Variants in RHBDD1 observed in about 807,000 individuals in gnomAD.
The protein encoded by RHBDD1 is rhomboid domain containing 1.
Under a neutral mutation model 36.3 loss-of-function variants are expected in RHBDD1, and 38 were observed. The observed-to-expected ratio is 1.05, with a 90% CI of 0.81 to 1.37. The LOEUF (loss-of-function observed/expected upper bound fraction) is 1.37, where lower values mean the gene tolerates loss of function less well. Among genes scored for constraint, RHBDD1 ranks in the 40% most tolerant of loss-of-function variants. The probability of loss-of-function intolerance (pLI) is 0.00; values close to 1 mark genes in which losing one functional copy is unlikely to be tolerated. For missense variants in RHBDD1, 393 were observed against 377.6 expected, an observed-to-expected ratio of 1.04 and a Z score of -0.34; for synonymous variants, 151 against 136.5, an observed-to-expected ratio of 1.11 and a Z score of -0.74.
At chr2:226,867,901 T>C (rs1944471419) in intron 5 of RHBDD1, among the ~76,000 whole-genome samples, 1 of 151,994 alleles carries the variant, frequency 6.6e-6, no homozygotes, top group Admixed American at 6.6e-5. Context: ...ATATTTTTAG[T>C]AGAGTTGGGG....
At chr2:226,995,379 A>G in intron 8 of RHBDD1, 52 bp from the exon 9 acceptor site, 7 of 1,155,342 alleles carry the variant, frequency 6.1e-6, no homozygotes, top group East Asian at 2.4e-5. Flanking sequence ...TAGGGTACAC[A>G]TGCCTTGTCA....
chr2:226,854,321 G>A (rs1347384456), intron 3 of RHBDD1, among the ~76,000 whole-genome samples: 2 of 152,064 alleles, frequency 1.3e-5, no homozygotes, highest in East Asian at 1.9e-4. Flanking sequence ...GGCCGGGCGT[G>A]GTGGCTCACA....
At chr2:226,953,953 A>G (rs1297984053) in intron 8 of RHBDD1, among the ~76,000 whole-genome samples, 1 of 152,142 alleles carries the variant, frequency 6.6e-6, no homozygotes, top group Non-Finnish European at 1.5e-5. Context: ...CACATGTGGG[A>G]AGAGGGTGGG....
At chr2:226,815,958 G>A in the RHBDD1 span, among the ~76,000 whole-genome samples, 4 of 152,166 alleles carry the variant, frequency 2.6e-5, no homozygotes, top group African/African-American at 9.7e-5. Flanking sequence ...TATTGCTTTA[G>A]GTTTTCTTAT....
chr2:226,820,098 C>T, the RHBDD1 span, among the ~76,000 whole-genome samples: 3 of 151,268 alleles, frequency 2.0e-5, no homozygotes, highest in African/African-American at 7.3e-5. Flanking sequence ...CCCATTTTGG[C>T]ACTGTGAATT....
At chr2:226,877,073 T>A (rs973388337) in intron 5 of RHBDD1, among the ~76,000 whole-genome samples, 1 of 152,232 alleles carries the variant, frequency 6.6e-6, no homozygotes, top group Non-Finnish European at 1.5e-5. Context: ...AGGGATTGTT[T>A]TAGTAGCTTT....
the RHBDD1 span, among the ~76,000 whole-genome samples, chr2:226,829,885 C>T: frequency 6.6e-6 from 1 of 152,054 alleles, no homozygotes; most frequent in South Asian, 2.1e-4. Context: ...TCCAGTACAA[C>T]ATAAGTGATG....
intron 7 of RHBDD1, among the ~76,000 whole-genome samples, chr2:226,909,848 T>A (rs1948393237): frequency 6.6e-6 from 1 of 152,200 alleles, no homozygotes; most frequent in Non-Finnish European, 1.5e-5. Flanking sequence ...CCAAATGGAC[T>A]AAGATGTGTT....
intron 8 of RHBDD1, among the ~76,000 whole-genome samples, chr2:226,951,961 T>G (rs928756275): frequency 6.6e-6 from 1 of 152,198 alleles, no homozygotes; most frequent in African/African-American, 2.4e-5. Flanking sequence ...TCTCAGAAAT[T>G]TTGGTTGTTC....
At chr2:226,886,675 C>T (rs1045626982) in intron 5 of RHBDD1, among the ~76,000 whole-genome samples, 10 of 152,030 alleles carry the variant, frequency 6.6e-5, no homozygotes, top group East Asian at 1.9e-4. Context: ...AAAAACTGAA[C>T]GTGAAGAAAA....
intron 5 of RHBDD1, among the ~76,000 whole-genome samples, chr2:226,898,691 A>G (rs976592412): frequency 6.6e-6 from 1 of 152,230 alleles, no homozygotes; most frequent in African/African-American, 2.4e-5. Flanking sequence ...AATCTTTCCT[A>G]GTGGCCTTAG....
chr2:226,846,435 T>A (rs1942220974), intron 3 of RHBDD1, among the ~76,000 whole-genome samples: 1 of 152,150 alleles, frequency 6.6e-6, no homozygotes, highest in African/African-American at 2.4e-5. Context: ...CCAGCTTTTG[T>A]AGGTTTGATT....
At chr2:226,972,257 C>A (rs1457519114) in intron 8 of RHBDD1, among the ~76,000 whole-genome samples, 1 of 152,148 alleles carries the variant, frequency 6.6e-6, no homozygotes, top group Non-Finnish European at 1.5e-5. Flanking sequence ...AGGACATGAT[C>A]TCATTCTTTT....
the RHBDD1 span, among the ~76,000 whole-genome samples, chr2:226,821,143 A>G: frequency 6.6e-6 from 1 of 152,182 alleles, no homozygotes; most frequent in Non-Finnish European, 1.5e-5. Context: ...TCACAGAGCT[A>G]TATGCTTTAT....
intron 5 of RHBDD1, among the ~76,000 whole-genome samples, chr2:226,897,741 G>A (rs183449843): frequency 1.1e-3 from 170 of 152,272 alleles, no homozygotes; most frequent in African/African-American, 4.0e-3. Flanking sequence ...GGAGGCCGAG[G>A]CGGGTGGATC....
chr2:226,952,916 T>A (rs905538606), intron 8 of RHBDD1, among the ~76,000 whole-genome samples: 2 of 151,720 alleles, frequency 1.3e-5, no homozygotes, highest in African/African-American at 2.4e-5. Context: ...TGGTTGGGAA[T>A]GTTTAGGGAT....
intron 8 of RHBDD1, among the ~76,000 whole-genome samples, chr2:226,925,901 C>T (rs1949634486): frequency 6.6e-6 from 1 of 151,918 alleles, no homozygotes; most frequent in Non-Finnish European, 1.5e-5. Flanking sequence ...TGCAGTATTT[C>T]CCAAATTTAT....
chr2:226,957,364 AATAG>A (rs1457969812), intron 8 of RHBDD1, among the ~76,000 whole-genome samples: 2 of 152,210 alleles, frequency 1.3e-5, no homozygotes, highest in Non-Finnish European at 2.9e-5. Flanking sequence ...ACCAACAAAA[AATAG>A]ATAAATTGAA....
chr2:226,957,134 A>G (rs1194027374), intron 8 of RHBDD1, among the ~76,000 whole-genome samples: 1 of 152,230 alleles, frequency 6.6e-6, no homozygotes, highest in Non-Finnish European at 1.5e-5. Context: ...AATTCACCCC[A>G]GATTCCAGTC....
Sources: allele counts gnomAD v4.1 joint callset (sites outside exome capture counted in the v4.1 genomes callset), GRCh38; gene constraint gnomAD v4.1.1; transcripts MANE v1.5; gene names NCBI Gene and HGNC (gene_info 2026-07-23, HGNC 2026-07-21).